The following C3orf33 variants were observed in gnomAD, a reference collection of about 807,000 sequenced individuals.
The protein encoded by C3orf33 is mitochondrial inner membrane subdomain organizer 1, also known as AP-1 activity suppressor.
A neutral mutation model predicts 28.7 loss-of-function variants in C3orf33; 23 were observed. The ratio of observed to expected loss-of-function variants is 0.80; its 90% confidence interval spans 0.58 to 1.13. C3orf33 has a LOEUF of 1.13. Among genes scored for constraint, C3orf33 ranks in the 50% most tolerant of loss-of-function variants. The pLI is 0.00. For synonymous variants in C3orf33, 119 were observed against 120.5 expected (o/e 0.99, Z 0.08); for missense variants, 327 against 353.4 (o/e 0.93, Z 0.60).
chr3:155,795,945 G>A (rs1315630788), intron 2 of C3orf33, among the ~76,000 whole-genome samples: 2 of 151,888 alleles, frequency 1.3e-5, no homozygotes, highest in Non-Finnish European at 2.9e-5. Flanking sequence ...AACAAAGCAA[G>A]ACTCCATCTA....
At chr3:155,776,174 G>A (rs1436866371) in intron 2 of C3orf33, among the ~76,000 whole-genome samples, 1 of 152,096 alleles carries the variant, frequency 6.6e-6, no homozygotes, top group African/African-American at 2.4e-5. Context: ...CACAAATCTG[G>A]TTAAACAGTC....
intron 2 of C3orf33, among the ~76,000 whole-genome samples, chr3:155,796,988 C>T (rs548591579): frequency 1.7e-4 from 26 of 152,132 alleles, no homozygotes; most frequent in Admixed American, 4.6e-4. Flanking sequence ...GTCAGGAGTT[C>T]GAGACTAGCC....
intron 2 of C3orf33, among the ~76,000 whole-genome samples, chr3:155,800,895 T>G (rs916066417): frequency 6.6e-6 from 1 of 151,990 alleles, no homozygotes; most frequent in East Asian, 1.9e-4. Context: ...CTCAAACTCA[T>G]TAGGATGACT....
intron 3 of C3orf33, among the ~76,000 whole-genome samples, chr3:155,768,938 G>A (rs1750492942): frequency 6.6e-6 from 1 of 152,134 alleles, no homozygotes; most frequent in African/African-American, 2.4e-5. Context: ...CACTTTGGGA[G>A]GCCAAGGTGG....
chr3:155,780,094 A>G (rs1475398395), intron 2 of C3orf33, among the ~76,000 whole-genome samples: 1 of 152,220 alleles, frequency 6.6e-6, no homozygotes, highest in East Asian at 1.9e-4. Context: ...AAAATAAATT[A>G]TATATCAAAG....
At position 155,762,673 on chromosome 3, in the gene C3orf33, T is replaced by C. The variant is rs1246082234; in HGVS notation, c.*844A>G. On this transcript the variant is annotated 3_prime_UTR_variant, in exon 5 of 5. Transcript: ENST00000340171. The stretch of plus-strand genomic sequence containing the variant: ...GTGAAAGGTAATAAAACTGGAAACA[T>C]AAACACATATCTTTTCTAAACAAAA... 1 of 152,150 alleles carries C rather than the reference T, an allele frequency of 6.6e-6. No homozygotes were observed. The highest frequency in any genetic ancestry group is 1.9e-4 in the East Asian group (1 of 5,186). The allele number at this position is 152,150 out of a possible 1,614,324, so 9.4% of individuals were successfully genotyped here. A position where few individuals can be genotyped will look rare whatever the true frequency, so the allele number is the denominator to read the frequency against.
intron 2 of C3orf33, among the ~76,000 whole-genome samples, chr3:155,797,320 C>T (rs894261495): frequency 1.4e-4 from 22 of 152,064 alleles, no homozygotes; most frequent in Non-Finnish European, 3.1e-4. Context: ...CAATAAAAGC[C>T]ATACACAACA....
intron 1 of C3orf33, among the ~76,000 whole-genome samples, chr3:155,804,579 C>T (rs777049461): frequency 6.6e-6 from 1 of 152,138 alleles, no homozygotes; most frequent in Non-Finnish European, 1.5e-5. Context: ...TTAATGATTC[C>T]TTCTGAAAAC....
At chr3:155,793,023 C>T (rs945054610) in intron 2 of C3orf33, among the ~76,000 whole-genome samples, 5 of 151,950 alleles carry the variant, frequency 3.3e-5, no homozygotes, top group African/African-American at 1.2e-4. Flanking sequence ...ATCACTACAA[C>T]ACAGTTAATA....
intron 1 of C3orf33, among the ~76,000 whole-genome samples, chr3:155,802,874 T>C (rs532899403): frequency 6.6e-6 from 1 of 152,154 alleles, no homozygotes; most frequent in African/African-American, 2.4e-5. Flanking sequence ...TGTAAACATA[T>C]ACACACACAT....
chr3:155,768,245 T>C (rs372104196), intron 3 of C3orf33, among the ~76,000 whole-genome samples: 3 of 152,188 alleles, frequency 2.0e-5, no homozygotes, highest in East Asian at 3.8e-4. Flanking sequence ...ACCTTCTTTT[T>C]TCAACCTCCC....
intron 2 of C3orf33, among the ~76,000 whole-genome samples, chr3:155,783,904 T>C (rs1285197066): frequency 6.6e-6 from 1 of 151,784 alleles, no homozygotes; most frequent in Non-Finnish European, 1.5e-5. Context: ...TATGGGTTTT[T>C]TTGTTTTGTT....
At chr3:155,801,741 T>TTTTTG (rs550017866) in intron 2 of C3orf33, among the ~76,000 whole-genome samples, 391 of 152,124 alleles carry the variant, frequency 2.6e-3, no homozygotes, top group African/African-American at 8.8e-3. Context: ...AGTTATTGTT[T>TTTTTG]TTTTGTTTTG....
At chr3:155,777,088 C>T (rs1302638006) in intron 2 of C3orf33, among the ~76,000 whole-genome samples, 14 of 151,874 alleles carry the variant, frequency 9.2e-5, no homozygotes, top group African/African-American at 1.9e-4. Context: ...GAGGCCGAGG[C>T]GGGAGGATCA....
chr3:155,794,193 C>T (rs772134914), intron 2 of C3orf33, among the ~76,000 whole-genome samples: 14 of 152,058 alleles, frequency 9.2e-5, no homozygotes, highest in African/African-American at 3.4e-4. Context: ...GTTGGCCAGG[C>T]TGGTCTCAAA....
chr3:155,780,908 A>G (rs1347579421), intron 2 of C3orf33, among the ~76,000 whole-genome samples: 1 of 152,222 alleles, frequency 6.6e-6, no homozygotes. Context: ...CCTATGCAAT[A>G]AGAAAAGTCC....
chr3:155,786,275 A>G (rs935207778), intron 2 of C3orf33, among the ~76,000 whole-genome samples: 9 of 152,156 alleles, frequency 5.9e-5, no homozygotes, highest in African/African-American at 2.2e-4. Flanking sequence ...TAAATATGAG[A>G]GTGCAGACAG....
At position 155,764,914 on chromosome 3, in the gene C3orf33, G is replaced by A. The variant is rs371448624; in HGVS notation, c.484-996C>T. 4.6e-5 allele frequency among the ~76,000 whole-genome samples: 7 copies of A among 152,074 alleles called. No homozygotes were observed. The East Asian group carries it at 5.8e-4, about 13-fold the overall frequency. On this transcript the variant is annotated intron_variant, in intron 4 of 4. Coordinates refer to ENST00000340171, the MANE Select transcript of C3orf33 (RefSeq NM_001308229.2). ...GCCTAGATATTTCTACAATCCTTGT[G>A]GGATTTTAATCTTAACAAAGTGTTA...
In C3orf33 at chr3:155,770,962, C is replaced by CTGTGTGTGTGTGTGTGTGTGTG. The variant is rs3068982; in HGVS notation, c.323-3315_323-3294dup. The stretch of plus-strand genomic sequence containing the variant: ...GTGCTGGGATTACAGGCATGAACCA[C>CTGTGTGTGTGTGTGTGTGTGTG]TGTGTGTGTGTGTGTGTGTGTGTGT... On this transcript the variant is annotated intron_variant, in intron 3 of 4. Coordinates refer to ENST00000340171, the MANE Select transcript of C3orf33 (RefSeq NM_001308229.2). Among the ~76,000 whole-genome samples the CTGTGTGTGTGTGTGTGTGTGTG allele has an allele frequency of 2.5e-3, 331 of 129,982 alleles. 4 individuals carry two copies. The highest frequency in any genetic ancestry group is 9.1e-3 in the African/African-American group (305 of 33,386). The allele number at this position is 129,982 out of a possible 152,430, so 85.3% of individuals were successfully genotyped here.
Sources: gnomAD v4.1 joint callset for allele counts (sites outside exome capture counted in the v4.1 genomes callset) on GRCh38, gnomAD v4.1.1 for gene constraint, MANE v1.5 for transcripts, NCBI Gene and HGNC (gene_info 2026-07-23, HGNC 2026-07-21) for gene names.